Variants in RGS6 observed in about 807,000 individuals in gnomAD.
RGS6 encodes the protein regulator of G protein signaling 6.
RGS6 carries 30 observed loss-of-function variants against 78.5 expected under a neutral mutation model. That is an observed-to-expected ratio of 0.38 (90% confidence interval 0.29 to 0.52). RGS6 has a LOEUF of 0.52. Ranked by LOEUF, RGS6 falls within the 20% of genes least tolerant of loss-of-function variation. The pLI, the probability that RGS6 is intolerant of heterozygous loss-of-function variation, is 0.85. For synonymous variants in RGS6, 206 were observed against 206.0 expected (o/e 1.00, Z 0.00); for missense variants, 495 against 609.7 (o/e 0.81, Z 1.98).
chr14:72,440,493 C>T (rs1597543266), intron 3 of RGS6, among the ~76,000 whole-genome samples: 1 of 150,130 alleles, frequency 6.7e-6, no homozygotes, highest in East Asian at 2.0e-4. Context: ...CGGCTCACTG[C>T]AGTCTGCCTC....
chr14:72,071,895 C>T (rs1000144048), intron 2 of RGS6, among the ~76,000 whole-genome samples: 23 of 152,124 alleles, frequency 1.5e-4, no homozygotes, highest in Non-Finnish European at 1.5e-4. Context: ...TGTTATAGGC[C>T]ACATCAACTG....
the RGS6 span, among the ~76,000 whole-genome samples, chr14:71,922,679 G>A: frequency 0.34 from 51,778 of 151,974 alleles, 10,205 homozygotes; most frequent in South Asian, 0.44. Flanking sequence ...ATAGTACATT[G>A]CATTTAGTTA....
chr14:72,615,566 T>C, the RGS6 span, among the ~76,000 whole-genome samples: 2 of 152,180 alleles, frequency 1.3e-5, no homozygotes, highest in African/African-American at 4.8e-5. Context: ...AAACCTGTTC[T>C]CTTCCCCAGT....
At chr14:72,294,208 A>C (rs1361254767) in intron 2 of RGS6, among the ~76,000 whole-genome samples, 1 of 152,200 alleles carries the variant, frequency 6.6e-6, no homozygotes, top group Non-Finnish European at 1.5e-5. Context: ...AAGTGGGAGG[A>C]AGAGGGACCT....
intron 3 of RGS6, among the ~76,000 whole-genome samples, chr14:72,405,138 G>A (rs10220576): frequency 1.6e-4 from 24 of 152,256 alleles, no homozygotes; most frequent in African/African-American, 4.6e-4. Flanking sequence ...AGACTGGGTC[G>A]CTGTGCTAAG....
intron 2 of RGS6, among the ~76,000 whole-genome samples, chr14:72,240,181 T>G (rs1413574787): frequency 6.6e-6 from 1 of 152,154 alleles, no homozygotes; most frequent in Non-Finnish European, 1.5e-5. Flanking sequence ...AGTTTTCAGT[T>G]TGAGGGAATC....
At chr14:72,583,411 T>C in the RGS6 span, among the ~76,000 whole-genome samples, 1 of 152,256 alleles carries the variant, frequency 6.6e-6, no homozygotes, top group Non-Finnish European at 1.5e-5. Context: ...CTATTGGTTC[T>C]GTTTCTCTGG....
At chr14:71,954,484 A>C (rs549747572) in intron 1 of RGS6, among the ~76,000 whole-genome samples, 76 of 152,314 alleles carry the variant, frequency 5.0e-4, no homozygotes, top group African/African-American at 1.7e-3. Context: ...CTTATGGGGT[A>C]CATGAGATAT....
chr14:72,249,159 G>C (rs555168251), intron 2 of RGS6, among the ~76,000 whole-genome samples: 2 of 152,292 alleles, frequency 1.3e-5, no homozygotes, highest in South Asian at 4.1e-4. Context: ...TAAACCTCTA[G>C]AGTAGATCTA....
intron 2 of RGS6, among the ~76,000 whole-genome samples, chr14:72,107,047 G>A (rs931657106): frequency 6.6e-6 from 1 of 152,062 alleles, no homozygotes; most frequent in African/African-American, 2.4e-5. Flanking sequence ...AATGGTGACA[G>A]TCTGTCATTT....
At chr14:72,028,207 C>G (rs1289537958) in intron 2 of RGS6, among the ~76,000 whole-genome samples, 3 of 152,204 alleles carry the variant, frequency 2.0e-5, no homozygotes, top group African/African-American at 4.8e-5. Flanking sequence ...GAACCTATTT[C>G]TTCAGGCACA....
At chr14:72,247,339 T>C (rs566481623) in intron 2 of RGS6, among the ~76,000 whole-genome samples, 9 of 152,310 alleles carry the variant, frequency 5.9e-5, no homozygotes, top group African/African-American at 2.2e-4. Flanking sequence ...ATGTATACTC[T>C]GTAGAAACCA....
chr14:72,022,832 G>T (rs2088984517), intron 2 of RGS6, among the ~76,000 whole-genome samples: 1 of 152,094 alleles, frequency 6.6e-6, no homozygotes, highest in Non-Finnish European at 1.5e-5. Flanking sequence ...TTCTGGTTTT[G>T]TATCTGAGCT....
intron 4 of RGS6, among the ~76,000 whole-genome samples, chr14:72,457,084 TAAAAAA>T (rs747066432): frequency 3.7e-5 from 3 of 82,132 alleles, no homozygotes; most frequent in African/African-American, 5.1e-5. Context: ...GACCTGTCTC[TAAAAAA>T]AAAAAAAAAA....
At chr14:72,628,223 C>T in the RGS6 span, among the ~76,000 whole-genome samples, 1 of 152,094 alleles carries the variant, frequency 6.6e-6, no homozygotes, top group African/African-American at 2.4e-5. Flanking sequence ...GTGTTTTCCT[C>T]ATTAAATAAG....
At chr14:72,050,176 TAAGAAAA>T (rs1361031060) in intron 2 of RGS6, among the ~76,000 whole-genome samples, 2 of 152,186 alleles carry the variant, frequency 1.3e-5, no homozygotes, top group South Asian at 2.1e-4. Context: ...TGATGGTATA[TAAGAAAA>T]AAGAAAAAAG....
intron 3 of RGS6, among the ~76,000 whole-genome samples, chr14:72,400,957 T>C (rs2092326243): frequency 6.6e-6 from 1 of 152,242 alleles, no homozygotes; most frequent in Non-Finnish European, 1.5e-5. Flanking sequence ...CCACTGCTTC[T>C]CTGCAGAATT....
chr14:72,484,487 A>G (rs1042160376), intron 12 of RGS6, among the ~76,000 whole-genome samples: 9 of 151,986 alleles, frequency 5.9e-5, no homozygotes, highest in African/African-American at 2.2e-4. Context: ...CTCAGGATGG[A>G]CAGCATTTCT....
intron 13 of RGS6, among the ~76,000 whole-genome samples, chr14:72,498,863 A>C (rs1399214739): frequency 2.0e-5 from 3 of 152,210 alleles, no homozygotes; most frequent in Non-Finnish European, 4.4e-5. Flanking sequence ...AGCAGTTCAC[A>C]CAGGAGCAGG....
Sources: gnomAD v4.1 joint callset for allele counts (sites outside exome capture counted in the v4.1 genomes callset) on GRCh38, gnomAD v4.1.1 for gene constraint, MANE v1.5 for transcripts, NCBI Gene and HGNC (gene_info 2026-07-23, HGNC 2026-07-21) for gene names.